The following CLEC12B variants were observed in gnomAD, a reference collection of about 807,000 sequenced individuals.
CLEC12B encodes C-type lectin domain family 12 member B, also known as macrophage antigen h.
A neutral mutation model predicts 36.1 loss-of-function variants in CLEC12B; 25 were observed. The ratio of observed to expected loss-of-function variants is 0.69; its 90% CI spans 0.50 to 0.97. CLEC12B has a LOEUF of 0.97. Among genes scored for constraint, CLEC12B ranks in the 50% least tolerant of loss-of-function variants. The pLI, the probability that CLEC12B is intolerant of heterozygous loss-of-function variation, is 0.00. For synonymous variants in CLEC12B, 110 were observed against 108.5 expected (o/e 1.01, Z -0.09); for missense variants, 325 against 318.4 (o/e 1.02, Z -0.16).
At chr12:10,014,016 C>T (rs1865408204) in intron 2 of CLEC12B, among the ~76,000 whole-genome samples, 2 of 152,104 alleles carry the variant, frequency 1.3e-5, no homozygotes, top group African/African-American at 4.8e-5. Flanking sequence ...GATGAAGCAC[C>T]TTAAATGCTT....
upstream of CLEC12B, among the ~76,000 whole-genome samples, chr12:10,010,378 T>C (rs998915879): frequency 6.6e-6 from 1 of 152,198 alleles, no homozygotes; most frequent in Non-Finnish European, 1.5e-5. Context: ...CTTAGATAGA[T>C]GTAAAGAAGA....
chr12:10,012,985 G>A lies in CLEC12B; in HGVS notation c.190+102G>A, dbSNP rs532674473. On this transcript the variant is annotated intron_variant, in intron 2 of 5. Coordinates refer to ENST00000338896, the MANE Select transcript of CLEC12B (RefSeq NM_001129998.3). ...TAGATGGGTCCTAGCATCCTGAATC[G>A]TCTGATACTTTTCTGCTGTCTCATA... The A allele has an allele frequency of 6.3e-5, 53 of 841,718 alleles. No individual in the cohort carries two copies. In the East Asian group the frequency reaches 7.7e-4, roughly 12 times the overall value. 52.1% of individuals were successfully genotyped at this position (841,718 alleles called of 1,614,324 possible).
rs151305465 is a variant in CLEC12B at position 10,015,689 on chromosome 12, T to C, written c.642T>C (p.Ser214=). The part of the protein sequence containing the change: ...LGLSWDSSGR[S]WFWEDGSVPS... Reference sequence around the variant, plus strand: ...TATCATGGGACTCCTCTGGCAGAAGTTGGTTCTGGGAAGATGGCTCTGTTC... The same window carrying C: ...TATCATGGGACTCCTCTGGCAGAAGCTGGTTCTGGGAAGATGGCTCTGTTC... The change falls in exon 5 of 6, where the codon AGT becomes AGC. Residue 214 remains serine (S), a synonymous_variant. Transcript: ENST00000338896. 1.7e-5 allele frequency: 28 copies of C among 1,613,736 alleles called. No individual in the cohort carries two copies. The highest frequency in any genetic ancestry group is 2.2e-5 in the Non-Finnish European group (26 of 1,179,710).
chr12:10,013,387 C>T (rs192236608), intron 2 of CLEC12B: 123 of 166,950 alleles, frequency 7.4e-4, no homozygotes, highest in African/African-American at 2.9e-3. Context: ...GAAGAGTGGC[C>T]TGATACACCT....
At chr12:10,010,079 C>T (rs1197526139), upstream of CLEC12B, among the ~76,000 whole-genome samples, 1 of 152,048 alleles carries the variant, frequency 6.6e-6, no homozygotes, top group East Asian at 1.9e-4. Flanking sequence ...CAGAAGAGGG[C>T]ACTCCCATTC....
intron 5 of CLEC12B, chr12:10,016,935 A>T: frequency 1.2e-6 from 1 of 822,240 alleles, no homozygotes; most frequent in Non-Finnish European, 1.5e-6. Flanking sequence ...CCCCCAACAA[A>T]TCATTATCCA....
upstream of CLEC12B, among the ~76,000 whole-genome samples, chr12:10,006,945 C>T (rs1392537102): frequency 6.6e-6 from 1 of 151,966 alleles, no homozygotes; most frequent in Non-Finnish European, 1.5e-5. Flanking sequence ...GTCCCAGTTA[C>T]TCTGGAGGCT....
intron 5 of CLEC12B, 70 bp downstream of exon 5, chr12:10,015,797 G>A (rs1565581132): frequency 1.3e-6 from 2 of 1,599,990 alleles, no homozygotes; most frequent in Non-Finnish European, 1.7e-6. Context: ...TAATGATTGT[G>A]AGAATTATAA....
At chr12:10,006,597 T>A (rs948388572), upstream of CLEC12B, among the ~76,000 whole-genome samples, 3 of 152,072 alleles carry the variant, frequency 2.0e-5, no homozygotes, top group Non-Finnish European at 4.4e-5. Flanking sequence ...GAGAATGGTG[T>A]CCTAGGGAAC....
upstream of CLEC12B, among the ~76,000 whole-genome samples, chr12:10,008,185 G>T (rs553398981): frequency 1.0e-3 from 153 of 152,320 alleles, 1 homozygote; most frequent in Middle Eastern, 0.01. Context: ...GCCACCTGTG[G>T]CTGTTAAGTA....
chr12:10,012,706 A>C, intron 1 of CLEC12B, 79 bp from the exon 2 acceptor site: 1 of 1,084,532 alleles, frequency 9.2e-7, no homozygotes, highest in Non-Finnish European at 1.4e-6. Flanking sequence ...AAGCTCCCTA[A>C]GTGGGAGAAA....
upstream of CLEC12B, among the ~76,000 whole-genome samples, chr12:10,007,376 GATGGATTTTA>G (rs1865242973): frequency 6.6e-6 from 1 of 152,112 alleles, no homozygotes; most frequent in Non-Finnish European, 1.5e-5. Context: ...GAGATAGGTG[GATGGATTTTA>G]ATATACAGAT....
At chr12:10,012,985 G>T (rs532674473) in intron 2 of CLEC12B, 102 bp downstream of exon 2, 1 of 841,718 alleles carries the variant, frequency 1.2e-6, no homozygotes. Flanking sequence ...ATCCTGAATC[G>T]TCTGATACTT....
chr12:10,015,131 G>A (rs931763652), intron 3 of CLEC12B, 121 bp from the exon 4 acceptor site: 1 of 839,336 alleles, frequency 1.2e-6, no homozygotes, highest in Non-Finnish European at 1.9e-6. Flanking sequence ...TTCTAAAGCA[G>A]TATGCTTTCA....
Position 10,015,396 on chromosome 12 carries a change from T to A in CLEC12B, c.554T>A (p.Leu185Ter). 2 of 1,611,882 alleles carry A rather than the reference T, an allele frequency of 1.2e-6. No homozygotes were observed. Among genetic ancestry groups the A allele is most frequent in the Admixed American group, 3.4e-5 (2 of 59,556 alleles). ...TCCACCCTAGTGAAGATAGACAGTT[T>A]GGAAGAAAAGGTAGGATTGAGTCTC... Reference protein sequence around the residue: ...KNSTLVKIDSLEEKDFLMSQP... With the variant: ...KNSTLVKIDS The change falls in exon 4 of 6, where the codon TTG becomes TAG. Residue 185 changes from leucine to a stop codon, truncating the protein, a stop_gained. Transcript: ENST00000338896. LOFTEE classifies it high-confidence loss of function.
intron 2 of CLEC12B, 33 bp from the exon 3 acceptor site, chr12:10,014,490 A>G: frequency 7.0e-7 from 1 of 1,425,148 alleles, no homozygotes; most frequent in Non-Finnish European, 9.9e-7. Context: ...GAATAGAAGA[A>G]TATATGAACT....
At chr12:10,008,525 G>A (rs1865256873), upstream of CLEC12B, among the ~76,000 whole-genome samples, 1 of 152,156 alleles carries the variant, frequency 6.6e-6, no homozygotes, top group Admixed American at 6.5e-5. Flanking sequence ...GAAATAAGGA[G>A]AATTTGGTAA....
chr12:10,014,812 C>T, intron 3 of CLEC12B, 71 bp downstream of exon 3: 2 of 997,742 alleles, frequency 2.0e-6, no homozygotes, highest in South Asian at 2.8e-5. Context: ...TCACATGTAC[C>T]ACCTAAGAGT....
At chr12:10,018,257 G>T in intron 5 of CLEC12B, 74 bp from the exon 6 acceptor site, 1 of 902,576 alleles carries the variant, frequency 1.1e-6, no homozygotes, top group South Asian at 2.0e-5. Context: ...TTGGCTGTAA[G>T]AGCAACTGAG....
Sources: allele counts gnomAD v4.1 joint callset (sites outside exome capture counted in the v4.1 genomes callset), GRCh38; gene constraint gnomAD v4.1.1; transcripts MANE v1.5; gene names NCBI Gene and HGNC (gene_info 2026-07-23, HGNC 2026-07-21).